Variants in XPNPEP1 observed in about 807,000 individuals in gnomAD.
XPNPEP1 encodes X-prolyl aminopeptidase 1, also known as xaa-Pro aminopeptidase 1.
Under a neutral mutation model 92.4 loss-of-function variants are expected in XPNPEP1, and 39 were observed. That is an observed-to-expected ratio of 0.42 (90% CI 0.33 to 0.55). XPNPEP1 has a LOEUF of 0.55. Ranked by LOEUF, XPNPEP1 falls within the 20% of genes least tolerant of loss-of-function variation. The probability of loss-of-function intolerance (pLI) is 0.08; values close to 1 mark genes in which losing one functional copy is unlikely to be tolerated. For synonymous variants in XPNPEP1, 307 were observed against 299.4 expected (o/e 1.03, Z -0.26); for missense variants, 654 against 856.1 (o/e 0.76, Z 2.95).
chr10:109,893,144 C>G lies in XPNPEP1; in HGVS notation c.247-69G>C, dbSNP rs150631618. ...GAGCAGACTGTTCTGCCTGCTTAGCCTTGTGCTAGGCTCAGCGGGGACTAT... is the reference window on the plus strand; with the variant it reads ...GAGCAGACTGTTCTGCCTGCTTAGCGTTGTGCTAGGCTCAGCGGGGACTAT... On this transcript the variant is annotated intron_variant, in intron 3 of 20. Coordinates refer to ENST00000502935, the MANE Select transcript of XPNPEP1 (RefSeq NM_020383.4). 9 of 1,465,126 alleles carry G rather than the reference C, an allele frequency of 6.1e-6. No homozygotes were observed. The East Asian group carries it at 2.1e-4, about 34-fold the overall frequency. 90.8% of individuals were successfully genotyped at this position (1,465,126 alleles called of 1,614,324 possible).
intron 9 of XPNPEP1, 125 bp from the exon 10 acceptor site, chr10:109,882,767 TC>T: frequency 1.0e-6 from 1 of 981,674 alleles, no homozygotes; most frequent in Non-Finnish European, 1.5e-6. Flanking sequence ...TTTTCTCTCC[TC>T]CCCACTCCTT....
chr10:109,876,509 A>G (rs1847794993), intron 14 of XPNPEP1: 1 of 152,254 alleles, frequency 6.6e-6, no homozygotes, highest in Non-Finnish European at 1.5e-5. Flanking sequence ...TTTTAATTAT[A>G]CGGAAAATTC....
At chr10:109,918,262 T>C (rs1197890460) in intron 1 of XPNPEP1, among the ~76,000 whole-genome samples, 1 of 149,714 alleles carries the variant, frequency 6.7e-6, no homozygotes, top group African/African-American at 2.5e-5. Context: ...CTCTACAAAA[T>C]TTACAAAAAT....
chr10:109,897,021 G>A (rs984059936), intron 3 of XPNPEP1, among the ~76,000 whole-genome samples: 4 of 152,190 alleles, frequency 2.6e-5, no homozygotes, highest in South Asian at 4.1e-4. Flanking sequence ...GGAAAAGATC[G>A]TAAGGGATTA....
Position 109,882,501 on chromosome 10 carries a change from G to A in XPNPEP1, c.972C>T (p.Asp324=). The change falls in exon 10 of 21, where the codon GAC becomes GAT. Residue 324 remains aspartate (D), a synonymous_variant. Transcript: ENST00000502935. ...ILSELKALCA[D]LSPREKVWVS... ...CCCACACCTTCTCCCTTGGGGAGAG[G>A]TCAGCACACAGGGCCTTGAGCTCGC... The A allele has an allele frequency of 1.9e-6, 3 of 1,614,210 alleles. No homozygotes were observed. The highest frequency in any genetic ancestry group is 2.5e-6 in the Non-Finnish European group (3 of 1,180,018).
In XPNPEP1 at chr10:109,888,493, G is replaced by A; in HGVS notation, c.508+10C>T. Reference sequence around the variant, plus strand: ...CCTTACCCAAGCAGAAAGGGACCAAGCTCACTTACCTGTAGGAATGATCAA... The same window carrying A: ...CCTTACCCAAGCAGAAAGGGACCAAACTCACTTACCTGTAGGAATGATCAA... On this transcript the variant is annotated intron_variant, in intron 6 of 20. Transcript: ENST00000502935. 1 of 1,603,020 alleles carries A rather than the reference G, an allele frequency of 6.2e-7. No homozygotes were observed. Among genetic ancestry groups the A allele is most frequent in the Non-Finnish European group, 8.5e-7 (1 of 1,174,478 alleles).
In XPNPEP1 at chr10:109,882,572, C is replaced by T; in HGVS notation, c.901G>A (p.Glu301Lys). ...KEHLLLDLGL[E>K]AEYRIQVHPY... ...TGCACCTGGATCCTGTATTCGGCTTCCAGACCCAAGTCAAGAAGCAGGTGC... is the reference window on the plus strand; with the variant it reads ...TGCACCTGGATCCTGTATTCGGCTTTCAGACCCAAGTCAAGAAGCAGGTGC... Residue 301 changes from glutamate (E) to lysine (K), a missense_variant, in exon 10 of 21, where the codon GAA becomes AAA. Glu to Lys is a moderately conservative substitution (Grantham distance 56). Transcript: ENST00000502935. 1 of 1,614,204 alleles carries T rather than the reference C, an allele frequency of 6.2e-7. No individual in the cohort carries two copies. Among genetic ancestry groups the T allele is most frequent in the Middle Eastern group, 1.6e-4 (1 of 6,062 alleles).
intron 3 of XPNPEP1, among the ~76,000 whole-genome samples, chr10:109,904,109 T>C (rs1849429755): frequency 6.6e-6 from 1 of 151,432 alleles, no homozygotes; most frequent in Non-Finnish European, 1.5e-5. Context: ...CCTTCCAAAA[T>C]GCTCGGATTA....
intron 3 of XPNPEP1, among the ~76,000 whole-genome samples, chr10:109,898,505 A>G (rs912186509): frequency 6.6e-6 from 1 of 152,198 alleles, no homozygotes; most frequent in Non-Finnish European, 1.5e-5. Context: ...GATCCATCAG[A>G]CCAAGCTCAG....
chr10:109,913,081 G>A (rs900229894), intron 2 of XPNPEP1, among the ~76,000 whole-genome samples: 2 of 152,232 alleles, frequency 1.3e-5, no homozygotes, highest in African/African-American at 2.4e-5. Flanking sequence ...CCTAGTCCAC[G>A]ATGAAACATT....
chr10:109,906,620 C>A (rs1023518342), intron 3 of XPNPEP1, among the ~76,000 whole-genome samples: 1 of 152,158 alleles, frequency 6.6e-6, no homozygotes, highest in Non-Finnish European at 1.5e-5. Flanking sequence ...TATCTCAAGG[C>A]AGTTTCTATT....
rs1334847192 is a variant in XPNPEP1 at position 109,877,772 on chromosome 10, C to T, written c.1319+18G>A. 23 of 1,614,202 alleles carry T rather than the reference C, an allele frequency of 1.4e-5. No individual in the cohort carries two copies. Among genetic ancestry groups the T allele is most frequent in the Non-Finnish European group, 1.9e-5 (23 of 1,180,044 alleles). ...AGAAGCAGCAAGGCCAGGCAGCATG[C>T]TCCTCCGCATGCCTTACGCGTAGTG... On this transcript the variant is annotated intron_variant, in intron 14 of 20. Coordinates refer to ENST00000502935, the MANE Select transcript of XPNPEP1 (RefSeq NM_020383.4).
intron 2 of XPNPEP1, among the ~76,000 whole-genome samples, chr10:109,912,044 C>T (rs1370627279): frequency 6.6e-6 from 1 of 152,202 alleles, no homozygotes. Context: ...GCTTCCTGGT[C>T]ATCACAACCT....
At chr10:109,904,571 A>G (rs558311054) in intron 3 of XPNPEP1, among the ~76,000 whole-genome samples, 2 of 152,346 alleles carry the variant, frequency 1.3e-5, no homozygotes, top group African/African-American at 4.8e-5. Context: ...ACATCAGCAT[A>G]TTAAAGGCCC....
chr10:109,884,624 C>A (rs1261741478), intron 8 of XPNPEP1: 2 of 152,640 alleles, frequency 1.3e-5, no homozygotes, highest in Non-Finnish European at 2.9e-5. Context: ...GGTCAGTGAG[C>A]CCCATGGAGA....
At chr10:109,919,626 A>G (rs1850417945) in intron 1 of XPNPEP1, among the ~76,000 whole-genome samples, 1 of 152,264 alleles carries the variant, frequency 6.6e-6, no homozygotes, top group African/African-American at 2.4e-5. Flanking sequence ...TTGTACACAA[A>G]TATTCACAGC....
At chr10:109,871,896 G>T (rs528677335) in intron 16 of XPNPEP1, 35 bp from the exon 17 acceptor site, 16 of 1,601,814 alleles carry the variant, frequency 1.0e-5, no homozygotes, top group Non-Finnish European at 1.4e-5. Flanking sequence ...TTGCAGAATG[G>T]GGACAGATGT....
At chr10:109,869,908 A>G (rs1394772094) in intron 19 of XPNPEP1, 45 bp downstream of exon 19, 1 of 1,598,650 alleles carries the variant, frequency 6.3e-7, no homozygotes, top group East Asian at 2.2e-5. Context: ...CCGAGGCGTG[A>G]TTATTGCTAA....
intron 3 of XPNPEP1, among the ~76,000 whole-genome samples, chr10:109,904,770 G>A (rs1251745283): frequency 6.6e-6 from 1 of 152,190 alleles, no homozygotes; most frequent in Admixed American, 6.5e-5. Flanking sequence ...GCAAGTGTTG[G>A]TGAGGAAGTG....
Sources: gnomAD v4.1 joint callset for allele counts (sites outside exome capture counted in the v4.1 genomes callset) on GRCh38, gnomAD v4.1.1 for gene constraint, MANE v1.5 for transcripts, NCBI Gene and HGNC (gene_info 2026-07-23, HGNC 2026-07-21) for gene names.